PLGRKT: variants seen among roughly 807,000 people sequenced by gnomAD.
The protein encoded by PLGRKT is plasminogen receptor with a C-terminal lysine.
A neutral mutation model predicts 18.5 loss-of-function variants in PLGRKT; 22 were observed. That is an observed-to-expected ratio of 1.19 (90% confidence interval 0.85 to 1.70). The LOEUF is 1.70. Among genes scored for constraint, PLGRKT ranks in the 40% most tolerant of loss-of-function variants. The probability of loss-of-function intolerance (pLI) is 0.00; values close to 1 mark genes in which losing one functional copy is unlikely to be tolerated. For synonymous variants in PLGRKT, 72 were observed against 52.8 expected (o/e 1.36, Z -1.58); for missense variants, 235 against 174.4 (o/e 1.35, Z -1.96).
At position 5,376,409 on chromosome 9, in the gene PLGRKT, C is replaced by G. The variant is rs563065834; in HGVS notation, c.82-14521G>C. On this transcript the variant is annotated intron_variant, in intron 3 of 5. Coordinates refer to ENST00000223864, the MANE Select transcript of PLGRKT (RefSeq NM_018465.4). The stretch of plus-strand genomic sequence containing the variant: ...TGTGTCCATGGGTAGGTCCCTTAAT[C>G]TCTCTGTTTCCTTATCTGTAAAATA... Among the ~76,000 whole-genome samples the G allele has an allele frequency of 2.6e-5, 4 of 152,306 alleles. No individual in the cohort carries two copies. In the East Asian group the frequency reaches 5.8e-4, roughly 22 times the overall value.
chr9:5,381,667 A>G (rs1358809992), intron 3 of PLGRKT, among the ~76,000 whole-genome samples: 2 of 146,578 alleles, frequency 1.4e-5, no homozygotes, highest in African/African-American at 5.2e-5. Flanking sequence ...AAATGCAGAG[A>G]TCTAAAACAC....
At chr9:5,391,310 C>T (rs999143211) in intron 3 of PLGRKT, among the ~76,000 whole-genome samples, 1 of 151,792 alleles carries the variant, frequency 6.6e-6, no homozygotes, top group South Asian at 2.1e-4. Context: ...AGAAAACAGC[C>T]AACATGTCTT....
At chr9:5,390,233 G>A (rs35693976) in intron 3 of PLGRKT, among the ~76,000 whole-genome samples, 16 of 88,490 alleles carry the variant, frequency 1.8e-4, no homozygotes, top group Admixed American at 2.3e-4. Context: ...GTGTGTGTGT[G>A]TGTATGTGTA....
At chr9:5,424,691 T>TATATATATATATACACAC (rs201541927) in intron 3 of PLGRKT, among the ~76,000 whole-genome samples, 6 of 70,502 alleles carry the variant, frequency 8.5e-5, no homozygotes, top group African/African-American at 3.7e-4. Flanking sequence ...TATATATATA[T>TATATATATATATACACAC]ACACACAGGG....
At chr9:5,362,523 C>G (rs537785304) in intron 3 of PLGRKT, among the ~76,000 whole-genome samples, 1 of 152,266 alleles carries the variant, frequency 6.6e-6, no homozygotes, top group South Asian at 2.1e-4. Flanking sequence ...TCAGGAGAAG[C>G]AACTGTCTGT....
intron 3 of PLGRKT, among the ~76,000 whole-genome samples, chr9:5,411,240 C>T (rs146284503): frequency 0.079 from 12,022 of 151,744 alleles, 659 homozygotes; most frequent in South Asian, 0.16. Flanking sequence ...AAAAATTAGC[C>T]GGGCCACAGT....
chr9:5,388,432 A>T (rs935860041), intron 3 of PLGRKT, among the ~76,000 whole-genome samples: 2 of 152,056 alleles, frequency 1.3e-5, no homozygotes, highest in African/African-American at 4.8e-5. Flanking sequence ...CTCAATAAAT[A>T]TCATAGGATA....
chr9:5,413,457 T>G (rs1044127564), intron 3 of PLGRKT, among the ~76,000 whole-genome samples: 1 of 152,152 alleles, frequency 6.6e-6, no homozygotes, highest in Non-Finnish European at 1.5e-5. Context: ...TATCCTGTAT[T>G]ATCCAGGCCC....
chr9:5,404,320 A>G (rs1050777903), intron 3 of PLGRKT, among the ~76,000 whole-genome samples: 9 of 151,984 alleles, frequency 5.9e-5, no homozygotes, highest in African/African-American at 2.2e-4. Context: ...GAGATGCAAC[A>G]AAAAAAAGAA....
chr9:5,389,738 T>C (rs1053966189), intron 3 of PLGRKT, among the ~76,000 whole-genome samples: 2 of 151,840 alleles, frequency 1.3e-5, no homozygotes, highest in Admixed American at 1.3e-4. Flanking sequence ...CAGGAAGAGA[T>C]AGGAGTTTGT....
In PLGRKT at chr9:5,418,393, C is replaced by A; in HGVS notation, c.81+13504G>T. 6 of 802,560 alleles carry A rather than the reference C, an allele frequency of 7.5e-6. No homozygotes were observed. The highest frequency in any genetic ancestry group is 6.5e-6 in the Non-Finnish European group (3 of 461,544). The allele number at this position is 802,560 out of a possible 1,614,324, so 49.7% of individuals were successfully genotyped here. ...CCAGCCACAAGATGTCACAGTCAAG[C>A]GCTTAGAAATGCAGGACATGTTATG... is the stretch of plus-strand genomic sequence containing the variant. On this transcript the variant is annotated intron_variant, in intron 3 of 5. Transcript: ENST00000223864. This position sits in a 1 kb window ranked among gnomAD's most constrained non-coding sequence, Gnocchi z 4.2.
At chr9:5,403,551 T>G (rs1188476496) in intron 3 of PLGRKT, among the ~76,000 whole-genome samples, 1 of 152,234 alleles carries the variant, frequency 6.6e-6, no homozygotes, top group African/African-American at 2.4e-5. Context: ...ATGGTGTACA[T>G]TTTGAAGTGA....
rs777402444 is a variant in PLGRKT at position 5,358,290 on chromosome 9, T to A, written c.393A>T (p.Glu131Asp). 1 of 1,609,362 alleles carries A rather than the reference T, an allele frequency of 6.2e-7. No individual in the cohort carries two copies. Among genetic ancestry groups the A allele is most frequent in the Non-Finnish European group, 8.5e-7 (1 of 1,175,836 alleles). Residue 131 changes from glutamate (E) to aspartate (D), a missense_variant, in exon 6 of 6, where the codon GAA (glutamate) becomes GAT (aspartate). Physicochemically the swap from Glu to Asp is conservative, Grantham distance 45. Coordinates refer to ENST00000223864, the MANE Select transcript of PLGRKT (RefSeq NM_018465.4). Reference sequence around the variant, plus strand: ...GTTCCTTTCTGGCTTTTTCAATGCTTTCAAAAGTGATCATTCCTCTTGGCA... The same window carrying A: ...GTTCCTTTCTGGCTTTTTCAATGCTATCAAAAGTGATCATTCCTCTTGGCA... ...LQLPRGMITF[E>D]SIEKARKEQS... is the part of the protein sequence containing the mutation.
chr9:5,432,509 CT>C (rs1391398100), intron 2 of PLGRKT, among the ~76,000 whole-genome samples: 1 of 151,790 alleles, frequency 6.6e-6, no homozygotes, highest in East Asian at 1.9e-4. Flanking sequence ...CCCCCTCCCC[CT>C]CCCTCTTTCT....
intron 2 of PLGRKT, among the ~76,000 whole-genome samples, chr9:5,433,943 C>G (rs796304134): frequency 7.1e-6 from 1 of 141,776 alleles, no homozygotes; most frequent in East Asian, 2.2e-4. Context: ...CACCTCTGCC[C>G]GGCCGCCCCG....
intron 3 of PLGRKT, among the ~76,000 whole-genome samples, chr9:5,401,532 C>A (rs529672528): frequency 2.0e-5 from 3 of 151,740 alleles, no homozygotes; most frequent in African/African-American, 7.3e-5. Context: ...CTACAATATA[C>A]CAAATAAGCT....
intron 3 of PLGRKT, among the ~76,000 whole-genome samples, chr9:5,385,243 A>G (rs561909587): frequency 9.2e-5 from 14 of 152,204 alleles, no homozygotes; most frequent in Non-Finnish European, 1.5e-4. Flanking sequence ...TATTATAAGA[A>G]CTTTTTGGAT....
intron 3 of PLGRKT, among the ~76,000 whole-genome samples, chr9:5,390,046 G>C (rs934009773): frequency 2.0e-5 from 3 of 151,710 alleles, no homozygotes; most frequent in Admixed American, 6.6e-5. Context: ...CAGTCATTGA[G>C]GAAATCTAGT....
intron 2 of PLGRKT, 117 bp from the exon 3 acceptor site, chr9:5,432,100 A>AT: frequency 1.7e-6 from 1 of 594,024 alleles, no homozygotes; most frequent in South Asian, 2.1e-5. Context: ...AAAATTTCTG[A>AT]TCTAGGAACA....
Sources: allele counts gnomAD v4.1 joint callset (sites outside exome capture counted in the v4.1 genomes callset), GRCh38; gene constraint gnomAD v4.1.1; non-coding constraint Gnocchi (gnomAD v3.1); transcripts MANE v1.5; gene names NCBI Gene and HGNC (gene_info 2026-07-23, HGNC 2026-07-21).